The following PCDH11X variants were observed in gnomAD, a reference collection of about 807,000 sequenced individuals.
The protein encoded by PCDH11X is protocadherin-11 X-linked.
Under a neutral mutation model 53.3 loss-of-function variants are expected in PCDH11X, and 18 were observed. The ratio of observed to expected loss-of-function variants is 0.34; its 90% confidence interval spans 0.23 to 0.50. The LOEUF (loss-of-function observed/expected upper bound fraction) is 0.50, where lower values mean the gene tolerates loss of function less well. PCDH11X is among the 20% of genes least tolerant of loss of function. The probability of loss-of-function intolerance (pLI) is 0.98; values close to 1 mark genes in which losing one functional copy is unlikely to be tolerated. For synonymous variants in PCDH11X, 279 were observed against 393.3 expected (o/e 0.71, Z 3.44); for missense variants, 570 against 1,032.4 (o/e 0.55, Z 6.14).
intron 6 of PCDH11X, among the ~76,000 whole-genome samples, chrX:92,143,863 AAGC>A (rs1192148815): frequency 9.0e-6 from 1 of 111,339 alleles, no homozygotes; most frequent in Non-Finnish European, 1.9e-5. Flanking sequence ...CAGTCCGTGA[AAGC>A]AGCCACAAGG....
Position 92,147,922 on chromosome X carries a change from T to TCTTCCTTCCTTTCTCTCTTC in PCDH11X, c.3034-53439_3034-53420dup, listed in dbSNP as rs1346773360. Among the ~76,000 whole-genome samples the TCTTCCTTCCTTTCTCTCTTC allele has an allele frequency of 1.5e-3, 142 of 97,556 alleles. 2 individuals carry two copies. The highest frequency in any genetic ancestry group is 5.4e-3 in the African/African-American group (138 of 25,744). 84.7% of individuals were successfully genotyped at this position (97,556 alleles called of 115,157 possible). ...CTTTTCTTTCTCTCTCTTTCTCCTT[T>TCTTCCTTCCTTTCTCTCTTC]CTTCCTTCCTTTCTCTCTTCCTTCC... On this transcript the variant is annotated intron_variant, in intron 6 of 10. Transcript: ENST00000682573.
intron 7 of PCDH11X, among the ~76,000 whole-genome samples, chrX:92,221,278 A>AATACACACACACACACACACACACAC (rs1249262957): frequency 1.0e-4 from 9 of 88,035 alleles, no homozygotes; most frequent in East Asian, 7.5e-4. Context: ...CATTGTATAC[A>AATACACACACACACACACACACACAC]ACACACACAC....
In PCDH11X at chrX:92,430,874, T is replaced by C. The variant is rs1336163807; in HGVS notation, c.3344-37425T>C. ...GTAATGCATGGTAGCATATGTTTTATAGTTTTATTGAGAGAATACATCTTT... is the reference window on the plus strand; with the variant it reads ...GTAATGCATGGTAGCATATGTTTTACAGTTTTATTGAGAGAATACATCTTT... On this transcript the variant is annotated intron_variant, in intron 9 of 10. Coordinates refer to ENST00000682573, the MANE Select transcript of PCDH11X (RefSeq NM_032968.5). 2.7e-4 allele frequency among the ~76,000 whole-genome samples: 29 copies of C among 107,472 alleles called. 1 individual carries two copies. The highest frequency in any genetic ancestry group is 9.8e-4 in the African/African-American group (29 of 29,694). The allele number at this position is 107,472 out of a possible 115,157, so 93.3% of individuals were successfully genotyped here.
chrX:91,957,692 G>A (rs1440639939), intron 6 of PCDH11X, among the ~76,000 whole-genome samples: 2 of 110,522 alleles, frequency 1.8e-5, no homozygotes, highest in African/African-American at 6.6e-5. Context: ...ACATGCACCT[G>A]TAGGAGGAGA....
At chrX:92,169,736 G>A (rs2065791803) in intron 6 of PCDH11X, among the ~76,000 whole-genome samples, 1 of 109,487 alleles carries the variant, frequency 9.1e-6, no homozygotes, top group African/African-American at 3.3e-5. Context: ...CAGGAACTGT[G>A]CTAAACAGTA....
intron 6 of PCDH11X, among the ~76,000 whole-genome samples, chrX:91,918,865 CT>C (rs1178800794): frequency 1.8e-5 from 2 of 110,881 alleles, no homozygotes; most frequent in South Asian, 7.6e-4. Context: ...CTCTCTCTCT[CT>C]TTTCAAATAT....
chrX:91,791,653 A>T (rs762994038), intron 1 of PCDH11X, among the ~76,000 whole-genome samples: 1 of 105,783 alleles, frequency 9.5e-6, no homozygotes, highest in Admixed American at 1.0e-4. Context: ...GGGCACGTAT[A>T]GCAGCCAAAA....
intron 6 of PCDH11X, among the ~76,000 whole-genome samples, chrX:92,175,341 A>C (rs951669723): frequency 1.2e-4 from 13 of 111,561 alleles, no homozygotes; most frequent in Non-Finnish European, 2.4e-4. Flanking sequence ...GATCTTGTAC[A>C]TCGGCAGCTT....
intron 10 of PCDH11X, among the ~76,000 whole-genome samples, chrX:92,528,789 T>C (rs2074505904): frequency 8.9e-6 from 1 of 111,909 alleles, no homozygotes; most frequent in South Asian, 3.7e-4. Flanking sequence ...TTCAGTTGTC[T>C]TTTAAAAATA....
chrX:92,586,920 CAT>C (rs1269965975), intron 10 of PCDH11X, among the ~76,000 whole-genome samples: 1 of 106,450 alleles, frequency 9.4e-6, no homozygotes, highest in Non-Finnish European at 1.9e-5. Flanking sequence ...TTAGATGAGT[CAT>C]ATATTTCTCA....
intron 9 of PCDH11X, among the ~76,000 whole-genome samples, chrX:92,462,708 T>G (rs2073075809): frequency 9.2e-6 from 1 of 108,734 alleles, no homozygotes; most frequent in Non-Finnish European, 1.9e-5. Flanking sequence ...TAGTAGGAAC[T>G]TTCAATGGAC....
At chrX:92,210,151 A>AT (rs957972239) in intron 7 of PCDH11X, among the ~76,000 whole-genome samples, 1 of 105,855 alleles carries the variant, frequency 9.4e-6, no homozygotes, top group African/African-American at 3.5e-5. Context: ...TTTCTCCTTT[A>AT]TATTGGCTGT....
At chrX:92,607,329 T>G (rs764369733) in intron 10 of PCDH11X, among the ~76,000 whole-genome samples, 2 of 110,496 alleles carry the variant, frequency 1.8e-5, no homozygotes, top group South Asian at 7.7e-4. Flanking sequence ...ACAACATGAA[T>G]GAAATTCGAA....
chrX:92,460,796 C>T, intron 9 of PCDH11X: 1 of 1,146,708 alleles, frequency 8.7e-7, no homozygotes, highest in Non-Finnish European at 1.2e-6. Context: ...AGATCGCCAC[C>T]TACCGCCGCC....
chrX:92,377,220 G>T (rs1383457605), intron 8 of PCDH11X, among the ~76,000 whole-genome samples: 1 of 111,500 alleles, frequency 9.0e-6, no homozygotes, highest in Admixed American at 9.6e-5. Flanking sequence ...TCAGAAATCA[G>T]AACTTTTGGA....
chrX:92,527,121 AGGGT>A (rs1224577775), intron 10 of PCDH11X, among the ~76,000 whole-genome samples: 2 of 111,606 alleles, frequency 1.8e-5, no homozygotes, highest in African/African-American at 6.5e-5. Flanking sequence ...GAGTCTGGGA[AGGGT>A]AGCTGGGGTT....
intron 10 of PCDH11X, among the ~76,000 whole-genome samples, chrX:92,517,292 G>A (rs1336781406): frequency 1.8e-5 from 2 of 111,885 alleles, no homozygotes; most frequent in African/African-American, 3.2e-5. Flanking sequence ...AATTTCAAAT[G>A]TGAGTTGGAA....
At chrX:91,999,592 A>G (rs2062475481) in intron 6 of PCDH11X, among the ~76,000 whole-genome samples, 1 of 104,149 alleles carries the variant, frequency 9.6e-6, no homozygotes, top group African/African-American at 3.6e-5. Context: ...TGAAATTTGT[A>G]TGTTTAAAAT....
At chrX:92,255,340 T>G (rs1406369780) in intron 7 of PCDH11X, among the ~76,000 whole-genome samples, 2 of 94,869 alleles carry the variant, frequency 2.1e-5, no homozygotes, top group Non-Finnish European at 4.3e-5. Context: ...TTATACATTC[T>G]TCTAAATTTT....
Sources: allele counts gnomAD v4.1 joint callset (sites outside exome capture counted in the v4.1 genomes callset), GRCh38; gene constraint gnomAD v4.1.1; transcripts MANE v1.5; gene names NCBI Gene and HGNC (gene_info 2026-07-23, HGNC 2026-07-21).